The following TRIM55 variants were observed in gnomAD, a reference collection of about 807,000 sequenced individuals.
TRIM55 encodes tripartite motif-containing protein 55.
In TRIM55, 50 loss-of-function variants were observed where a neutral mutation model predicts 60.9. That is an observed-to-expected ratio of 0.82 (90% CI 0.65 to 1.04). The LOEUF is 1.04. TRIM55 is among the 50% of genes least tolerant of loss of function. The pLI is 0.00. For missense variants in TRIM55, 681 were observed against 666.9 expected (o/e 1.02, Z -0.23); for synonymous variants, 237 against 238.1 (o/e 1.00, Z 0.04).
chr8:66,113,531 T>G, the TRIM55 span: 3 of 456,184 alleles, frequency 6.6e-6, no homozygotes, highest in Admixed American at 7.0e-5. Flanking sequence ...AGTGACACAT[T>G]GCATTCCAAC....
intron 2 of TRIM55, among the ~76,000 whole-genome samples, chr8:66,130,585 C>T (rs1042564336): frequency 1.3e-5 from 2 of 150,448 alleles, no homozygotes; most frequent in Admixed American, 1.3e-4. Flanking sequence ...CAATCACAGA[C>T]TGGGATGTTG....
At position 66,128,430 on chromosome 8, in the gene TRIM55, C is replaced by G; in HGVS notation, c.295C>G (p.Leu99Val). The change falls in exon 2 of 10, where the codon CTG (leucine) becomes GTG (valine). Residue 99 changes from leucine (L) to valine (V), a missense_variant. Leu to Val is a conservative substitution (Grantham distance 32). Coordinates refer to ENST00000315962, the MANE Select transcript of TRIM55 (RefSeq NM_184085.2). ...RHGVYGLQRNLLVENIIDIYK... is the reference protein window; with the variant it reads ...RHGVYGLQRNVLVENIIDIYK... ...TGGGGTATATGGACTTCAGAGGAAC[C>G]TGCTGGTGGAAAATATCATTGACAT... 2 of 1,613,698 alleles carry G rather than the reference C, an allele frequency of 1.2e-6. No individual in the cohort carries two copies. The highest frequency in any genetic ancestry group is 1.7e-6 in the Non-Finnish European group (2 of 1,179,838).
At chr8:66,128,114 C>T (rs1184617263) in intron 1 of TRIM55, among the ~76,000 whole-genome samples, 190 bp from the exon 2 acceptor site, 1 of 152,150 alleles carries the variant, frequency 6.6e-6, no homozygotes, top group Admixed American at 6.5e-5. Flanking sequence ...ATGGTATATT[C>T]GCAGATGACT....
At chr8:66,170,187 A>C (rs1811544923) in intron 9 of TRIM55, among the ~76,000 whole-genome samples, 1 of 152,188 alleles carries the variant, frequency 6.6e-6, no homozygotes, top group South Asian at 2.1e-4. Flanking sequence ...CAATTGCTAG[A>C]ACTTTTTCAT....
rs1811854902 is a variant in TRIM55, at chr8:66,175,218, T to A, written c.*625T>A. 6.6e-6 allele frequency: 1 copy of A among 152,670 alleles called. No individual in the cohort carries two copies. The highest frequency in any genetic ancestry group is 1.5e-5 in the Non-Finnish European group (1 of 68,050). The allele number at this position is 152,670 out of a possible 1,614,324, so 9.5% of individuals were successfully genotyped here. ...GGCCTGGGCATCTCTTGTGACATTT[T>A]TCTAATATTAGTTTTAGATTTTCAC... is the stretch of plus-strand genomic sequence containing the variant. On this transcript the variant is annotated 3_prime_UTR_variant, in exon 10 of 10. Transcript: ENST00000315962.
chr8:66,126,297 T>C (rs1808816150), upstream of TRIM55, among the ~76,000 whole-genome samples: 1 of 152,228 alleles, frequency 6.6e-6, no homozygotes, highest in South Asian at 2.1e-4. Context: ...TTACAGATTA[T>C]TGTTGCAAAC....
intron 7 of TRIM55, among the ~76,000 whole-genome samples, chr8:66,151,750 A>C (rs1810431959): frequency 6.6e-6 from 1 of 152,100 alleles, no homozygotes; most frequent in Admixed American, 6.6e-5. Flanking sequence ...AGGCAGAGGC[A>C]GGAGAATCAC....
intron 7 of TRIM55, among the ~76,000 whole-genome samples, chr8:66,150,750 TC>T: frequency 6.6e-6 from 1 of 151,860 alleles, no homozygotes; most frequent in Non-Finnish European, 1.5e-5. Flanking sequence ...CACTGGAACC[TC>T]CACCTCCTGG....
chr8:66,172,455 T>G (rs955995576), intron 9 of TRIM55, among the ~76,000 whole-genome samples: 1 of 152,220 alleles, frequency 6.6e-6, no homozygotes, highest in Non-Finnish European at 1.5e-5. Flanking sequence ...TTCTGAAAGA[T>G]AGCATTGGTC....
intron 8 of TRIM55, among the ~76,000 whole-genome samples, chr8:66,153,600 A>G (rs1164644390): frequency 6.6e-6 from 1 of 152,252 alleles, no homozygotes. Context: ...TTTCAGTTGT[A>G]TTAAAATTGA....
chr8:66,113,424 A>T, the TRIM55 span: 2 of 439,748 alleles, frequency 4.5e-6, no homozygotes, highest in African/African-American at 4.0e-5. Flanking sequence ...AGCAGGAGAC[A>T]TCCTTAGGTC....
intron 8 of TRIM55, among the ~76,000 whole-genome samples, chr8:66,153,482 A>G (rs562510446): frequency 1.3e-5 from 2 of 152,214 alleles, no homozygotes; most frequent in Non-Finnish European, 1.5e-5. Flanking sequence ...GATTGAAACA[A>G]AACTCCAGAG....
chr8:66,127,056 T>A, upstream of TRIM55: 2 of 473,834 alleles, frequency 4.2e-6, no homozygotes, highest in East Asian at 3.5e-5. Context: ...TGTCACTGGC[T>A]TATATGGACA....
intron 9 of TRIM55, among the ~76,000 whole-genome samples, chr8:66,165,117 C>T (rs578238596): frequency 1.3e-5 from 2 of 152,254 alleles, no homozygotes; most frequent in African/African-American, 4.8e-5. Context: ...AGACCTGAGC[C>T]TTTCACATCA....
rs150038117 is a variant in TRIM55, at chr8:66,150,445, C to T, written c.964C>T (p.Arg322Cys). 1.1e-5 allele frequency: 17 copies of T among 1,613,880 alleles called. No homozygotes were observed. Among genetic ancestry groups the T allele is most frequent in the East Asian group, 4.5e-5 (2 of 44,890 alleles). Reference protein sequence around the residue: ...VNLNREEKIIREIDFYREDED... With the variant: ...VNLNREEKIICEIDFYREDED... ...CCTCAATAGAGAAGAAAAGATAATA[C>T]GTGAAATTGACTTTTACAGAGGTTT... Residue 322 changes from arginine to cysteine, a missense_variant, in exon 7 of 10, where the codon CGT becomes TGT. Transcript: ENST00000315962.
chr8:66,151,653 C>T (rs1810423812), intron 7 of TRIM55, among the ~76,000 whole-genome samples: 1 of 152,088 alleles, frequency 6.6e-6, no homozygotes, highest in South Asian at 2.1e-4. Flanking sequence ...ACCAGCCTGG[C>T]CAACATGGTG....
intron 9 of TRIM55, among the ~76,000 whole-genome samples, chr8:66,161,391 AT>A (rs1811042296): frequency 6.6e-6 from 1 of 151,946 alleles, no homozygotes; most frequent in African/African-American, 2.4e-5. Context: ...CTATATGCCT[AT>A]TTTTATACCA....
intron 4 of TRIM55, among the ~76,000 whole-genome samples, chr8:66,140,417 A>G (rs1677273027): frequency 6.6e-6 from 1 of 152,254 alleles, no homozygotes; most frequent in African/African-American, 2.4e-5. Flanking sequence ...TATGACTCAC[A>G]TGAGCATAGT....
In TRIM55 at chr8:66,127,394, T is replaced by C. The variant is rs1456058450; in HGVS notation, c.126T>C (p.Cys42=). 1 of 1,614,184 alleles carries C rather than the reference T, an allele frequency of 6.2e-7. No individual in the cohort carries two copies. Among genetic ancestry groups the C allele is most frequent in the Admixed American group, 1.7e-5 (1 of 60,026 alleles). ...MFTKPVVILP[C]QHNLCRKCAS... ...CGAAACCTGTGGTGATTCTCCCTTGTCAGCACAACCTGTGTAGGAAATGTG... is the reference window on the plus strand; with the variant it reads ...CGAAACCTGTGGTGATTCTCCCTTGCCAGCACAACCTGTGTAGGAAATGTG... The change falls in exon 1 of 10, where the codon TGT becomes TGC. Residue 42 remains cysteine, a synonymous_variant. Coordinates refer to ENST00000315962, the MANE Select transcript of TRIM55 (RefSeq NM_184085.2).
Sources: allele counts gnomAD v4.1 joint callset (sites outside exome capture counted in the v4.1 genomes callset), GRCh38; gene constraint gnomAD v4.1.1; transcripts MANE v1.5; gene names NCBI Gene and HGNC (gene_info 2026-07-23, HGNC 2026-07-21).